The following MOCS1 variants were observed in gnomAD, a reference collection of about 807,000 sequenced individuals.
The protein encoded by MOCS1 is molybdenum cofactor biosynthesis protein 1.
MOCS1 carries 39 observed loss-of-function variants against 57.6 expected under a neutral mutation model. The observed-to-expected ratio is 0.68, with a 90% CI of 0.52 to 0.88. MOCS1 has a LOEUF of 0.88. Among genes scored for constraint, MOCS1 ranks in the 40% least tolerant of loss-of-function variants. The pLI, the probability that MOCS1 is intolerant of heterozygous loss-of-function variation, is 0.00. For missense variants in MOCS1, 795 were observed against 831.1 expected (o/e 0.96, Z 0.53); for synonymous variants, 334 against 335.7 (o/e 1.00, Z 0.05).
At chr6:39,913,633 G>C in intron 5 of MOCS1, 141 bp downstream of exon 5, 2 of 1,069,354 alleles carry the variant, frequency 1.9e-6, no homozygotes, top group Non-Finnish European at 2.9e-6. Context: ...GACCAGCAGG[G>C]AGAGAAGAGG....
chr6:39,925,118 G>A (rs1582832038), intron 3 of MOCS1, among the ~76,000 whole-genome samples: 1 of 152,176 alleles, frequency 6.6e-6, no homozygotes, highest in African/African-American at 2.4e-5. Context: ...CAGTTTGCAC[G>A]TTAGACAAAA....
At position 39,905,812 on chromosome 6, in the gene MOCS1, G is replaced by A. The variant is rs1766860585; in HGVS notation, c.*545C>T. 6.4e-6 allele frequency: 3 copies of A among 470,342 alleles called. No homozygotes were observed. The highest frequency in any genetic ancestry group is 1.3e-5 in the Non-Finnish European group (3 of 227,092). 29.1% of individuals were successfully genotyped at this position (470,342 alleles called of 1,614,324 possible). ...GGACACAGACTTGGGCAGAAGGAGA[G>A]ATGAAGTCAGGACAGGACAGGACAG... On this transcript the variant is annotated 3_prime_UTR_variant, in exon 11 of 11. Coordinates refer to ENST00000340692, the MANE Select transcript of MOCS1 (RefSeq NM_001358530.2).
rs767109038 is a variant in MOCS1 at position 39,904,282 on chromosome 6, C to CTAT, written c.*2072_*2074dup. The CTAT allele has an allele frequency of 4.8e-5, 22 of 456,736 alleles. No individual in the cohort carries two copies. The highest frequency in any genetic ancestry group is 1.2e-4 in the South Asian group (8 of 64,574). 28.3% of individuals were successfully genotyped at this position (456,736 alleles called of 1,614,324 possible). A position where few individuals can be genotyped will look rare whatever the true frequency, so the allele number is the denominator to read the frequency against. ...CTCACTCTAAAAGAAAGATATTTTTCTATTTATTTTCTACATCTGGCCAGT... is the reference window on the plus strand; with the variant it reads ...CTCACTCTAAAAGAAAGATATTTTTCTATTATTTATTTTCTACATCTGGCCAGT... On this transcript the variant is annotated 3_prime_UTR_variant, in exon 11 of 11. Coordinates refer to ENST00000340692, the MANE Select transcript of MOCS1 (RefSeq NM_001358530.2).
chr6:39,913,645 G>A, intron 5 of MOCS1, 129 bp downstream of exon 5: 3 of 1,131,234 alleles, frequency 2.7e-6, no homozygotes, highest in Admixed American at 1.7e-5. Context: ...GAGAAGAGGT[G>A]GAAGGGTGCA....
intron 3 of MOCS1, among the ~76,000 whole-genome samples, chr6:39,917,593 G>A (rs547371407): frequency 6.6e-6 from 1 of 152,128 alleles, no homozygotes; most frequent in South Asian, 2.1e-4. Context: ...AGAGACCTCA[G>A]GCACTAAGAT....
intron 1 of MOCS1, among the ~76,000 whole-genome samples, chr6:39,930,909 T>A (rs1768610272): frequency 6.6e-6 from 1 of 152,208 alleles, no homozygotes; most frequent in Admixed American, 6.5e-5. Flanking sequence ...TAATCCAACC[T>A]AACTCAGTTG....
intron 3 of MOCS1, among the ~76,000 whole-genome samples, chr6:39,920,027 G>C (rs919538206): frequency 6.6e-6 from 1 of 152,066 alleles, no homozygotes; most frequent in Non-Finnish European, 1.5e-5. Context: ...TTTTTCAGAT[G>C]GGGAGGAGAT....
At chr6:39,911,327 T>C (rs1109103) in intron 8 of MOCS1, among the ~76,000 whole-genome samples, 97,824 of 151,978 alleles carry the variant, frequency 0.64, 31,587 homozygotes, top group Middle Eastern at 0.71. Context: ...CCTCCCACAA[T>C]TGTAAAAGAT....
intron 10 of MOCS1, 66 bp downstream of exon 10, chr6:39,908,989 C>T (rs1015672012): frequency 4.3e-5 from 61 of 1,404,824 alleles, no homozygotes; most frequent in South Asian, 1.8e-4. Flanking sequence ...GCCTATGGCA[C>T]GGCTCCCACC....
rs111345256 is a variant in MOCS1, at chr6:39,906,724, C to A, written c.1544G>T (p.Gly515Val). The stretch of plus-strand genomic sequence containing the variant: ...CTGGACAAGCTTGAAGGCTACCGGT[C>A]CCAGGAGGACCACGGCTGAAGCCAC... The part of the protein sequence containing the change: ...VAVASAVVLL[G>V]PVAFKLVQQN... The change falls in exon 11 of 11, where the codon GGA becomes GTA. Residue 515 changes from glycine (G) to valine (V), a missense_variant. Around this residue, in one of 3 missense-constraint regions of MOCS1, gnomAD observed 374 missense variants for 422.6 expected, o/e 0.89. Coordinates refer to ENST00000340692, the MANE Select transcript of MOCS1 (RefSeq NM_001358530.2). 6.2e-7 allele frequency: 1 copy of A among 1,614,036 alleles called. No individual in the cohort carries two copies. Among genetic ancestry groups the A allele is most frequent in the Non-Finnish European group, 8.5e-7 (1 of 1,180,050 alleles).
chr6:39,927,583 G>A (rs1234018848), intron 1 of MOCS1, 128 bp from the exon 2 acceptor site: 1 of 1,607,776 alleles, frequency 6.2e-7, no homozygotes, highest in South Asian at 1.1e-5. Flanking sequence ...CCACATGTTT[G>A]GGCTCTGCAA....
intron 3 of MOCS1, among the ~76,000 whole-genome samples, chr6:39,923,980 G>T (rs182127352): frequency 1.3e-5 from 2 of 152,286 alleles, no homozygotes; most frequent in Non-Finnish European, 2.9e-5. Flanking sequence ...AGGGGCGGGG[G>T]GTCCTGTCCA....
chr6:39,921,477 A>G (rs1767969537), intron 3 of MOCS1, among the ~76,000 whole-genome samples: 1 of 152,348 alleles, frequency 6.6e-6, no homozygotes, highest in Admixed American at 6.5e-5. Flanking sequence ...ATTAACATGA[A>G]TAAAGTAAAG....
intron 3 of MOCS1, among the ~76,000 whole-genome samples, chr6:39,920,471 G>A (rs1452874231): frequency 1.3e-5 from 2 of 152,140 alleles, no homozygotes; most frequent in Non-Finnish European, 2.9e-5. Context: ...AAGTGGCACC[G>A]TCCACAACAA....
rs116866116 is a variant in MOCS1, at chr6:39,921,852, T to C, written c.418+3826A>G. ...ATGGGTTAACTTGTGTCATGGGGGT[T>C]TGTTGTACAGATTACTTCGTCATCC... On this transcript the variant is annotated intron_variant, in intron 3 of 10. Transcript: ENST00000340692. 0.011 allele frequency among the ~76,000 whole-genome samples: 1,616 copies of C among 152,250 alleles called. 169 individuals carry two copies. The East Asian group carries it at 0.24, about 23-fold the overall frequency.
rs1387934803 is a variant in MOCS1 at position 39,906,758 on chromosome 6, G to A, written c.1510C>T (p.Arg504Trp). The change falls in exon 11 of 11, where the codon CGG becomes TGG. Residue 504 changes from arginine (R) to tryptophan (W), a missense_variant. Physicochemically the swap from Arg to Trp is moderately radical, Grantham distance 101. Around this residue, in one of 3 missense-constraint regions of MOCS1, gnomAD observed 374 missense variants for 422.6 expected, o/e 0.89. Transcript: ENST00000340692. Reference protein sequence around the residue: ...VDVGRKPDTERVAVASAVVLL... With the variant: ...VDVGRKPDTEWVAVASAVVLL... ...ACCACGGCTGAAGCCACAGCCACCC[G>A]CTCTGTGTCTGGCTTCCTGCCCACA... The A allele has an allele frequency of 9.9e-6, 16 of 1,614,092 alleles. No individual in the cohort carries two copies. The East Asian group carries it at 1.6e-4, about 16-fold the overall frequency.
At chr6:39,929,336 G>A (rs1562103681) in intron 1 of MOCS1, among the ~76,000 whole-genome samples, 2 of 152,060 alleles carry the variant, frequency 1.3e-5, no homozygotes, top group Admixed American at 6.5e-5. Context: ...GTTGGGGCGG[G>A]GAGCACTCCA....
chr6:39,934,188 C>T (rs545340952), intron 1 of MOCS1, 107 bp downstream of exon 1: 1 of 1,401,320 alleles, frequency 7.1e-7, no homozygotes, highest in South Asian at 1.5e-5. Flanking sequence ...ACGGGTCCCT[C>T]CCAGAAGCGG....
At chr6:39,926,306 G>A (rs549745479) in intron 2 of MOCS1, among the ~76,000 whole-genome samples, 23 of 152,280 alleles carry the variant, frequency 1.5e-4, no homozygotes, top group East Asian at 7.8e-4. Flanking sequence ...AAAAGCTGCC[G>A]TCCTCTGTAG....
Sources: allele counts gnomAD v4.1 joint callset (sites outside exome capture counted in the v4.1 genomes callset), GRCh38; gene constraint gnomAD v4.1.1; regional missense constraint gnomAD v4.1.1; transcripts MANE v1.5; gene names NCBI Gene and HGNC (gene_info 2026-07-23, HGNC 2026-07-21).